F13A1: variants seen among roughly 807,000 people sequenced by gnomAD.
F13A1 encodes the protein coagulation factor XIII A chain, also known as FSF, A subunit.
A neutral mutation model predicts 80.1 loss-of-function variants in F13A1; 47 were observed. The ratio of observed to expected loss-of-function variants is 0.59; its 90% CI spans 0.46 to 0.75. The LOEUF is 0.75. Ranked by LOEUF, F13A1 falls within the 30% of genes least tolerant of loss-of-function variation. The pLI is 0.00. For missense variants in F13A1, 817 were observed against 930.4 expected (o/e 0.88, Z 1.59); for synonymous variants, 349 against 344.9 (o/e 1.01, Z -0.13).
intron 10 of F13A1, among the ~76,000 whole-genome samples, chr6:6,183,697 G>C (rs1296953899): frequency 6.6e-6 from 1 of 152,180 alleles, no homozygotes; most frequent in Non-Finnish European, 1.5e-5. Flanking sequence ...TGGAGTCAAG[G>C]GTTGGCTAGA....
chr6:6,152,007 T>C (rs2151068488), intron 13 of F13A1, 58 bp from the exon 14 acceptor site: 1 of 1,600,038 alleles, frequency 6.2e-7, no homozygotes, highest in Non-Finnish European at 8.5e-7. Flanking sequence ...GCTCTCTTGT[T>C]GTCTTAACCA....
At chr6:6,253,333 C>T (rs1056541702) in intron 4 of F13A1, among the ~76,000 whole-genome samples, 7 of 152,154 alleles carry the variant, frequency 4.6e-5, no homozygotes, top group Non-Finnish European at 8.8e-5. Context: ...GGAATATCCT[C>T]TCTTAACTTT....
chr6:6,161,551 T>TGTGTGTGTGTGTGAGAGA (rs1010361754), intron 13 of F13A1, among the ~76,000 whole-genome samples: 13 of 146,378 alleles, frequency 8.9e-5, no homozygotes, highest in African/African-American at 3.3e-4. Flanking sequence ...TGTGTGTGTG[T>TGTGTGTGTGTGTGAGAGA]GAGAGAGAGA....
chr6:6,227,046 C>A (rs1757285591), intron 6 of F13A1, among the ~76,000 whole-genome samples: 1 of 148,040 alleles, frequency 6.8e-6, no homozygotes, highest in Non-Finnish European at 1.5e-5. Context: ...GGCTCTGGGA[C>A]CTTCTAGGAG....
chr6:6,218,030 C>A (rs574646081), intron 8 of F13A1, among the ~76,000 whole-genome samples: 1 of 152,254 alleles, frequency 6.6e-6, no homozygotes, highest in Admixed American at 6.5e-5. Flanking sequence ...CACTGCTCCC[C>A]CTGTGGGTGG....
intron 6 of F13A1, among the ~76,000 whole-genome samples, chr6:6,228,777 C>A (rs1757311744): frequency 1.4e-5 from 2 of 139,330 alleles, no homozygotes; most frequent in African/African-American, 5.4e-5. Flanking sequence ...TTGTTCTGAA[C>A]AGAATGGTGG....
chr6:6,219,465 T>C (rs892218763), intron 8 of F13A1, among the ~76,000 whole-genome samples: 31 of 152,200 alleles, frequency 2.0e-4, no homozygotes, highest in African/African-American at 7.5e-4. Context: ...TTAATCATTA[T>C]AGTCACTCCA....
chr6:6,305,655 G>A (rs1758502777), intron 2 of F13A1, 116 bp from the exon 3 acceptor site: 1 of 1,002,502 alleles, frequency 1.0e-6, no homozygotes, highest in Admixed American at 2.0e-5. Context: ...TCTGCTGAAT[G>A]AAACTCTGTA....
At chr6:6,217,906 TGGA>T (rs1757126221) in intron 8 of F13A1, among the ~76,000 whole-genome samples, 1 of 152,204 alleles carries the variant, frequency 6.6e-6, no homozygotes, top group African/African-American at 2.4e-5. Flanking sequence ...CATTGCAGCA[TGGA>T]GTTTTTATGC....
chr6:6,236,889 C>T (rs1037006099), intron 6 of F13A1, among the ~76,000 whole-genome samples: 5 of 152,082 alleles, frequency 3.3e-5, no homozygotes, highest in African/African-American at 1.2e-4. Context: ...AAAATCGTTT[C>T]CAGGTTTTGT....
At chr6:6,303,120 A>G (rs746832552) in intron 3 of F13A1, among the ~76,000 whole-genome samples, 35 of 152,188 alleles carry the variant, frequency 2.3e-4, no homozygotes, top group Non-Finnish European at 3.7e-4. Context: ...ATTAACTCAT[A>G]TACTGAAATC....
At chr6:6,213,007 C>G (rs991958900) in intron 8 of F13A1, among the ~76,000 whole-genome samples, 1 of 152,160 alleles carries the variant, frequency 6.6e-6, no homozygotes, top group African/African-American at 2.4e-5. Context: ...CCAGAAAAGC[C>G]TCCAAGAAAT....
chr6:6,277,935 T>C (rs1465002419), intron 3 of F13A1, among the ~76,000 whole-genome samples: 1 of 152,244 alleles, frequency 6.6e-6, no homozygotes, highest in Non-Finnish European at 1.5e-5. Context: ...CTGTTCCATC[T>C]TCCTTTCCCT....
chr6:6,308,233 A>G (rs978192402), intron 2 of F13A1, among the ~76,000 whole-genome samples: 4 of 152,154 alleles, frequency 2.6e-5, no homozygotes, highest in Admixed American at 2.6e-4. Context: ...CATGTTGGCC[A>G]GGCTGGTCTT....
intron 13 of F13A1, among the ~76,000 whole-genome samples, chr6:6,155,087 C>CT (rs2151069348): frequency 6.6e-6 from 1 of 152,258 alleles, no homozygotes; most frequent in South Asian, 2.1e-4. Context: ...AGGGGATGCA[C>CT]TATAGACCTA....
At chr6:6,188,073 C>T (rs1583062076) in intron 10 of F13A1, among the ~76,000 whole-genome samples, 1 of 151,650 alleles carries the variant, frequency 6.6e-6, no homozygotes, top group South Asian at 2.1e-4. Context: ...GGTGATATCC[C>T]CTTTATCATT....
chr6:6,295,938 G>A (rs1758319259), intron 3 of F13A1, among the ~76,000 whole-genome samples: 1 of 141,548 alleles, frequency 7.1e-6, no homozygotes. Context: ...TGTAAGGAAG[G>A]GATCCAATTT....
intron 3 of F13A1, among the ~76,000 whole-genome samples, chr6:6,293,797 G>A (rs1452701579): frequency 9.8e-6 from 1 of 101,852 alleles, no homozygotes; most frequent in Non-Finnish European, 2.0e-5. Context: ...GAGGGAGGGA[G>A]GGAGGGAGGG....
In F13A1 at chr6:6,145,275, T is replaced by G; in HGVS notation, c.*344A>C. 1 of 347,074 alleles carries G rather than the reference T, an allele frequency of 2.9e-6. No homozygotes were observed. The allele number at this position is 347,074 out of a possible 1,614,324, so 21.5% of individuals were successfully genotyped here. On this transcript the variant is annotated 3_prime_UTR_variant, in exon 15 of 15. Transcript: ENST00000264870. ...GTCTTGTTTTAAATGAGGCCAGGTA[T>G]TGAGCAAATCTCCCTGGTAAGAGAG...
Sources: allele counts gnomAD v4.1 joint callset (sites outside exome capture counted in the v4.1 genomes callset), GRCh38; gene constraint gnomAD v4.1.1; transcripts MANE v1.5; gene names NCBI Gene and HGNC (gene_info 2026-07-23, HGNC 2026-07-21).